LHPP: variants seen among roughly 807,000 people sequenced by gnomAD.
LHPP encodes phospholysine phosphohistidine inorganic pyrophosphate phosphatase.
In LHPP, 24 loss-of-function variants were observed where a neutral mutation model predicts 30.3. The observed-to-expected ratio is 0.79, with a 90% CI of 0.57 to 1.11. The LOEUF (loss-of-function observed/expected upper bound fraction) is 1.11. LHPP is among the 50% of genes most tolerant of loss of function. The probability of loss-of-function intolerance (pLI) is 0.00; values close to 1 mark genes in which losing one functional copy is unlikely to be tolerated. For missense variants in LHPP, 356 were observed against 367.2 expected (o/e 0.97, Z 0.25); for synonymous variants, 150 against 157.1 (o/e 0.95, Z 0.34).
chr10:124,470,995 A>T (rs978014518), intron 1 of LHPP, among the ~76,000 whole-genome samples: 5 of 152,106 alleles, frequency 3.3e-5, no homozygotes, highest in Non-Finnish European at 7.4e-5. Flanking sequence ...TGTCATTTCA[A>T]CATTTTAAGT....
chr10:124,508,381 G>A (rs561587954), intron 5 of LHPP, among the ~76,000 whole-genome samples: 46 of 152,322 alleles, frequency 3.0e-4, no homozygotes, highest in Non-Finnish European at 6.0e-4. Context: ...CAGGACGGGG[G>A]TCAGCCCTCC....
chr10:124,544,791 C>T (rs1395769472), intron 6 of LHPP, among the ~76,000 whole-genome samples: 3 of 152,184 alleles, frequency 2.0e-5, no homozygotes, highest in Non-Finnish European at 2.9e-5. Flanking sequence ...ATTGCAGATG[C>T]GATGAGGTGG....
At chr10:124,506,263 A>C (rs1250776691) in intron 5 of LHPP, among the ~76,000 whole-genome samples, 991 of 86,280 alleles carry the variant, frequency 0.011, 1 homozygote, top group East Asian at 0.035. Flanking sequence ...AAAACAACAA[A>C]CCCCCCCCCC....
chr10:124,572,774 A>G (rs1219391550), intron 6 of LHPP, among the ~76,000 whole-genome samples: 1 of 152,042 alleles, frequency 6.6e-6, no homozygotes, highest in Non-Finnish European at 1.5e-5. Context: ...TCACATAATA[A>G]AGAAATCCAG....
intron 6 of LHPP, chr10:124,526,318 C>T (rs887310170): frequency 4.0e-5 from 32 of 804,148 alleles, no homozygotes; most frequent in East Asian, 1.3e-4. Context: ...AGCCTCAGCT[C>T]GTCTACACCC....
At chr10:124,487,198 T>C (rs1166800749) in intron 2 of LHPP, among the ~76,000 whole-genome samples, 1 of 152,250 alleles carries the variant, frequency 6.6e-6, no homozygotes, top group Non-Finnish European at 1.5e-5. Flanking sequence ...ATGAACATTC[T>C]TACACAGTTC....
chr10:124,528,201 C>T (rs971975192), intron 6 of LHPP, among the ~76,000 whole-genome samples: 1 of 152,194 alleles, frequency 6.6e-6, no homozygotes. Flanking sequence ...TGGCATATTT[C>T]CCTAACGGTT....
chr10:124,567,276 G>A (rs1056706822), intron 6 of LHPP, among the ~76,000 whole-genome samples: 4 of 152,252 alleles, frequency 2.6e-5, no homozygotes, highest in Admixed American at 2.0e-4. Flanking sequence ...GGCCTGGGCA[G>A]AGCAAACTGA....
rs1208645348 is a variant in LHPP, at chr10:124,496,476, G to A, written c.468-485G>A. 2.0e-5 allele frequency among the ~76,000 whole-genome samples: 3 copies of A among 152,210 alleles called. No homozygotes were observed. The highest frequency in any genetic ancestry group is 7.2e-5 in the African/African-American group (3 of 41,448). ...AACCTGGCACCTCGCTTGACCTCCG[G>A]CTAACGGGATGCGGCAGGGTGCTGT... On this transcript the variant is annotated intron_variant, in intron 3 of 6. Coordinates refer to ENST00000368842, the MANE Select transcript of LHPP (RefSeq NM_022126.4). The surrounding 1 kb of genome is among the most constrained non-coding windows in gnomAD (Gnocchi z 4.3).
At chr10:124,562,492 C>A (rs1215365574) in intron 6 of LHPP, among the ~76,000 whole-genome samples, 1 of 151,970 alleles carries the variant, frequency 6.6e-6, no homozygotes, top group Non-Finnish European at 1.5e-5. Context: ...CCAATCAGAA[C>A]AGAGAAAAAA....
intron 3 of LHPP, among the ~76,000 whole-genome samples, chr10:124,495,483 G>A (rs1027641360): frequency 2.0e-5 from 3 of 152,262 alleles, no homozygotes; most frequent in Non-Finnish European, 2.9e-5. Flanking sequence ...AGGCAGTGGA[G>A]GACGCACAGG....
intron 6 of LHPP, among the ~76,000 whole-genome samples, chr10:124,519,129 G>T (rs1334552023): frequency 6.6e-6 from 1 of 152,110 alleles, no homozygotes; most frequent in Admixed American, 6.5e-5. Flanking sequence ...TGTATTTTTA[G>T]TGGAGACGGG....
intron 5 of LHPP, among the ~76,000 whole-genome samples, chr10:124,509,919 C>T (rs548665495): frequency 1.3e-5 from 2 of 152,190 alleles, no homozygotes; most frequent in Admixed American, 6.5e-5. Flanking sequence ...AAAGCATCGC[C>T]GCCTGTTAGA....
At position 124,496,877 on chromosome 10, in the gene LHPP, C is replaced by T. The variant is rs1011923069; in HGVS notation, c.468-84C>T. The T allele has an allele frequency of 3.5e-5, 44 of 1,268,742 alleles. No homozygotes were observed. Among genetic ancestry groups the T allele is most frequent in the Non-Finnish European group, 5.0e-5 (44 of 887,276 alleles). The allele number at this position is 1,268,742 out of a possible 1,614,324, so 78.6% of individuals were successfully genotyped here. On this transcript the variant is annotated intron_variant, in intron 3 of 6. Coordinates refer to ENST00000368842, the MANE Select transcript of LHPP (RefSeq NM_022126.4). The surrounding 1 kb of genome is among the most constrained non-coding windows in gnomAD (Gnocchi z 4.3). ...TTGGCTCTGCAGCCAGCGGGACAGG[C>T]CCGGTGCTCAGCTCCCGATACTTAG...
intron 6 of LHPP, among the ~76,000 whole-genome samples, chr10:124,546,467 A>G (rs370332864): frequency 6.6e-6 from 1 of 152,074 alleles, no homozygotes; most frequent in South Asian, 2.1e-4. Flanking sequence ...CAGTGGCGCG[A>G]TCTCGGCTCA....
chr10:124,587,953 G>C (rs1948827325), intron 6 of LHPP, among the ~76,000 whole-genome samples: 1 of 152,188 alleles, frequency 6.6e-6, no homozygotes, highest in African/African-American at 2.4e-5. Context: ...GACCCACCCG[G>C]TGGAGCTGGG....
intron 3 of LHPP, among the ~76,000 whole-genome samples, chr10:124,492,745 G>A (rs536902179): frequency 3.3e-5 from 5 of 152,266 alleles, no homozygotes; most frequent in East Asian, 1.9e-4. Context: ...AATTTAGGTC[G>A]CTGCTATGGA....
intron 6 of LHPP, among the ~76,000 whole-genome samples, chr10:124,587,179 C>A (rs1179245745): frequency 6.6e-6 from 1 of 151,718 alleles, no homozygotes; most frequent in African/African-American, 2.4e-5. Context: ...TTACAGGCAC[C>A]TGCCACCACA....
At chr10:124,499,505 A>AG (rs397948625) in intron 5 of LHPP, among the ~76,000 whole-genome samples, 1 of 151,864 alleles carries the variant, frequency 6.6e-6, no homozygotes, top group Non-Finnish European at 1.5e-5. Flanking sequence ...AACAAAAAAA[A>AG]TTAGCTGGGC....
Sources: allele counts gnomAD v4.1 joint callset (sites outside exome capture counted in the v4.1 genomes callset), GRCh38; gene constraint gnomAD v4.1.1; non-coding constraint Gnocchi (gnomAD v3.1); transcripts MANE v1.5; gene names NCBI Gene and HGNC (gene_info 2026-07-23, HGNC 2026-07-21).